P3H2: variants seen among roughly 807,000 people sequenced by gnomAD.
P3H2 encodes the protein leprecan-like 1.
Under a neutral mutation model 87.0 loss-of-function variants are expected in P3H2, and 80 were observed. That is an observed-to-expected ratio of 0.92 (90% CI 0.77 to 1.11). The LOEUF (loss-of-function observed/expected upper bound fraction) is 1.11. P3H2 is among the 50% of genes least tolerant of loss of function. The probability of loss-of-function intolerance (pLI) is 0.00; values close to 1 mark genes in which losing one functional copy is unlikely to be tolerated. For synonymous variants in P3H2, 367 were observed against 359.3 expected, an observed-to-expected ratio of 1.02 and a Z score of -0.24; for missense variants, 1,001 against 923.9, an observed-to-expected ratio of 1.08 and a Z score of -1.08.
At chr3:189,986,482 G>A (rs977733607) in intron 6 of P3H2, among the ~76,000 whole-genome samples, 6 of 152,128 alleles carry the variant, frequency 3.9e-5, no homozygotes, top group African/African-American at 1.4e-4. Flanking sequence ...CCAGCTACTC[G>A]GGAGGCTGAG....
rs1560339097 is a variant in P3H2 at position 189,966,141 on chromosome 3, AAGAAAG to A, written c.1894-2049_1894-2044del. On this transcript the variant is annotated intron_variant, in intron 13 of 14. Coordinates refer to ENST00000319332, the MANE Select transcript of P3H2 (RefSeq NM_018192.4). ...AGAAAGAAAAAGAAAGAAAGAAAGA[AAGAAAG>A]AAAGAAAGAAAGAAAGAAAGAAAGA... is the stretch of plus-strand genomic sequence containing the variant. Among the ~76,000 whole-genome samples the A allele has an allele frequency of 4.8e-3, 627 of 130,798 alleles. 2 individuals carry two copies. Among genetic ancestry groups the A allele is most frequent in the Non-Finnish European group, 7.2e-3 (428 of 59,436 alleles). The allele number at this position is 130,798 out of a possible 152,430, so 85.8% of individuals were successfully genotyped here.
In P3H2 at chr3:189,973,924, G is replaced by A; in HGVS notation, c.1533C>T (p.Val511=). ...TPNEKFEGAT[V]LKALKSGYEG... ...AAGACTTTACTTTGAGTGCTTTCAG[G>A]ACAGTTGCACCTTCAAACTTTTCAT... is the stretch of plus-strand genomic sequence containing the variant. Residue 511 remains valine (V), a synonymous_variant, in exon 10 of 15, where the codon GTC becomes GTT. Transcript: ENST00000319332. 1 of 1,613,582 alleles carries A rather than the reference G, an allele frequency of 6.2e-7. No homozygotes were observed. Among genetic ancestry groups the A allele is most frequent in the Non-Finnish European group, 8.5e-7 (1 of 1,179,502 alleles).
intron 11 of P3H2, 117 bp downstream of exon 11, chr3:189,972,757 G>C: frequency 2.6e-6 from 3 of 1,146,662 alleles, no homozygotes; most frequent in Non-Finnish European, 3.9e-6. Flanking sequence ...CTTTTGTTTT[G>C]GAAATCTAGA....
chr3:190,047,172 G>A (rs962809712), intron 1 of P3H2, among the ~76,000 whole-genome samples: 1 of 152,146 alleles, frequency 6.6e-6, no homozygotes, highest in African/African-American at 2.4e-5. Context: ...TCAGAGAAAT[G>A]CAAATCAAAA....
At chr3:190,094,518 T>C (rs1049176820) in intron 1 of P3H2, among the ~76,000 whole-genome samples, 1 of 152,146 alleles carries the variant, frequency 6.6e-6, no homozygotes, top group Non-Finnish European at 1.5e-5. Context: ...TGATTCACAT[T>C]TTCCCTACAG....
intron 1 of P3H2, among the ~76,000 whole-genome samples, chr3:190,098,961 A>C (rs1711521570): frequency 1.3e-5 from 2 of 152,298 alleles, no homozygotes; most frequent in South Asian, 2.1e-4. Flanking sequence ...AATATTGTTG[A>C]TACAACGCTG....
intron 1 of P3H2, among the ~76,000 whole-genome samples, chr3:190,001,288 T>C (rs1262472071): frequency 6.6e-6 from 1 of 152,214 alleles, no homozygotes; most frequent in African/African-American, 2.4e-5. Flanking sequence ...CATTAAAACA[T>C]GGAAATACCA....
At chr3:190,102,843 CTTG>C (rs1279430579) in intron 1 of P3H2, among the ~76,000 whole-genome samples, 3 of 150,544 alleles carry the variant, frequency 2.0e-5, no homozygotes, top group Non-Finnish European at 4.4e-5. Context: ...GGCAAACTTT[CTTG>C]TTTTTTTGTT....
At chr3:190,038,766 T>C (rs1225198272) in intron 1 of P3H2, among the ~76,000 whole-genome samples, 5 of 152,190 alleles carry the variant, frequency 3.3e-5, no homozygotes, top group Non-Finnish European at 7.3e-5. Context: ...ACAATATTTA[T>C]CATACACTGA....
In P3H2 at chr3:190,120,411, C is replaced by A. The variant is rs755902680; in HGVS notation, c.321G>T (p.Leu107=). 1.2e-5 allele frequency: 18 copies of A among 1,515,642 alleles called. No individual in the cohort carries two copies. The South Asian group carries it at 2.2e-4, about 19-fold the overall frequency. 93.9% of individuals were successfully genotyped at this position (1,515,642 alleles called of 1,614,324 possible). The stretch of plus-strand genomic sequence containing the variant: ...GCCCCAACAAGGAGCGGAAAAGGGG[C>A]AGCTCAGCGCCGGGGCCCTCGCCGG... The part of the protein sequence containing the change: ...PPPGEGPGAE[L]PLFRSLLGRA... The change falls in exon 1 of 15, where the codon CTG becomes CTT. Residue 107 remains leucine, a synonymous_variant. Coordinates refer to ENST00000319332, the MANE Select transcript of P3H2 (RefSeq NM_018192.4).
intron 1 of P3H2, among the ~76,000 whole-genome samples, chr3:190,072,012 G>A (rs542912548): frequency 3.0e-4 from 36 of 120,612 alleles, no homozygotes; most frequent in South Asian, 1.8e-3. Flanking sequence ...GCAGAGTTTC[G>A]CTCTTGTTGC....
chr3:190,015,532 A>G (rs1285766624), intron 1 of P3H2, among the ~76,000 whole-genome samples: 1 of 152,096 alleles, frequency 6.6e-6, no homozygotes, highest in East Asian at 1.9e-4. Context: ...AATAGCACTG[A>G]CCCAGGAGTC....
intron 1 of P3H2, among the ~76,000 whole-genome samples, chr3:190,105,583 C>T (rs1278099835): frequency 6.6e-6 from 1 of 152,294 alleles, no homozygotes; most frequent in East Asian, 1.9e-4. Context: ...AAGGGATTCA[C>T]TGCCCCAAGA....
In P3H2 at chr3:190,038,038, A is replaced by T. The variant is rs374802847; in HGVS notation, c.481-42596T>A. 6.6e-4 allele frequency among the ~76,000 whole-genome samples: 101 copies of T among 152,308 alleles called. 1 individual carries two copies. The South Asian group carries it at 0.015, about 23-fold the overall frequency. ...CTATCTTTTTAGAAAATCAGCAAAAATAAAACTGAATTAGAAGTTGGTATT... is the reference window on the plus strand; with the variant it reads ...CTATCTTTTTAGAAAATCAGCAAAATTAAAACTGAATTAGAAGTTGGTATT... On this transcript the variant is annotated intron_variant, in intron 1 of 14. Transcript: ENST00000319332.
At chr3:189,984,675 A>G in intron 6 of P3H2, 85 bp from the exon 7 acceptor site, 2 of 927,854 alleles carry the variant, frequency 2.2e-6, no homozygotes, top group Admixed American at 1.8e-5. Context: ...TAAAATATGC[A>G]CAAAACATTC....
At chr3:190,061,262 C>T (rs1004343954) in intron 1 of P3H2, among the ~76,000 whole-genome samples, 3 of 152,018 alleles carry the variant, frequency 2.0e-5, no homozygotes, top group African/African-American at 7.2e-5. Context: ...ATTTAAATAC[C>T]GTTCTGTGTT....
At position 189,974,558 on chromosome 3, in the gene P3H2, A is replaced by G. The variant is rs34111865; in HGVS notation, c.1452T>C (p.Ser484=). Residue 484 remains serine (S), a splice_region_variant and synonymous_variant, in exon 9 of 15, where the codon AGT becomes AGC. Coordinates refer to ENST00000319332, the MANE Select transcript of P3H2 (RefSeq NM_018192.4). ...EQCRELHSVA[S]GIMLVGDGYR... Reference sequence around the variant, plus strand: ...CTCCCCTCCTTCTCCGGATCCTCACACTGGCCACGCTGTGGAGCTCCCGGC... The same window carrying G: ...CTCCCCTCCTTCTCCGGATCCTCACGCTGGCCACGCTGTGGAGCTCCCGGC... 5 of 1,613,592 alleles carry G rather than the reference A, an allele frequency of 3.1e-6. No homozygotes were observed. The highest frequency in any genetic ancestry group is 2.2e-5 in the East Asian group (1 of 44,878).
Position 189,965,519 on chromosome 3 carries a change from C to T in P3H2, c.1894-1421G>A, listed in dbSNP as rs77258202. ...GAGTGATTTGTCTTTGCTGGAATTGCTTTTCCTAAACAGCTTTACCAAGGC... is the reference window on the plus strand; with the variant it reads ...GAGTGATTTGTCTTTGCTGGAATTGTTTTTCCTAAACAGCTTTACCAAGGC... On this transcript the variant is annotated intron_variant, in intron 13 of 14. Coordinates refer to ENST00000319332, the MANE Select transcript of P3H2 (RefSeq NM_018192.4). 6.3e-3 allele frequency among the ~76,000 whole-genome samples: 961 copies of T among 152,314 alleles called. 1 individual carries two copies. Among genetic ancestry groups the T allele is most frequent in the Non-Finnish European group, 9.7e-3 (657 of 68,024 alleles).
chr3:189,992,602 G>A (rs1723911133), intron 3 of P3H2, among the ~76,000 whole-genome samples: 1 of 152,154 alleles, frequency 6.6e-6, no homozygotes, highest in Non-Finnish European at 1.5e-5. Context: ...GACCTTAAAA[G>A]TATAGATTCT....
Sources: allele counts gnomAD v4.1 joint callset (sites outside exome capture counted in the v4.1 genomes callset), GRCh38; gene constraint gnomAD v4.1.1; transcripts MANE v1.5; gene names NCBI Gene and HGNC (gene_info 2026-07-23, HGNC 2026-07-21).